Variants in DLG2 observed in about 807,000 individuals in gnomAD.
DLG2 encodes the protein discs large MAGUK scaffold protein 2, also known as disks large homolog 2.
In DLG2, 45 loss-of-function variants were observed where a neutral mutation model predicts 132.5. That is an observed-to-expected ratio of 0.34 (90% CI 0.27 to 0.44). DLG2 has a LOEUF of 0.44. Ranked by LOEUF, DLG2 falls within the 20% of genes least tolerant of loss-of-function variation. The pLI is 1.00. For synonymous variants in DLG2, 424 were observed against 419.6 expected, an observed-to-expected ratio of 1.01 and a Z score of -0.13; for missense variants, 1,045 against 1,196.9, an observed-to-expected ratio of 0.87 and a Z score of 1.87.
chr11:84,450,605 G>A (rs542465899), intron 7 of DLG2, among the ~76,000 whole-genome samples: 2 of 151,628 alleles, frequency 1.3e-5, no homozygotes, highest in Admixed American at 1.3e-4. Flanking sequence ...AATAATGGGG[G>A]CCTTAATTAG....
chr11:84,545,372 A>G, intron 6 of DLG2: 2 of 522,054 alleles, frequency 3.8e-6, no homozygotes, highest in South Asian at 1.5e-5. Context: ...TAGCCATCCC[A>G]CTGCCACCAT....
chr11:83,804,296 A>G (rs2153948201), intron 17 of DLG2, among the ~76,000 whole-genome samples: 1 of 152,238 alleles, frequency 6.6e-6, no homozygotes, highest in South Asian at 2.1e-4. Flanking sequence ...ATTCACCACT[A>G]TGAATGAGAA....
intron 6 of DLG2, among the ~76,000 whole-genome samples, chr11:84,578,706 C>A (rs527972935): frequency 6.6e-6 from 1 of 152,026 alleles, no homozygotes; most frequent in Non-Finnish European, 1.5e-5. Context: ...GACTTTGGAC[C>A]GTGGACTTTT....
chr11:84,230,468 A>AAATG (rs2097076251), intron 8 of DLG2, among the ~76,000 whole-genome samples: 1 of 152,254 alleles, frequency 6.6e-6, no homozygotes, highest in African/African-American at 2.4e-5. Context: ...AGTATAAAAT[A>AAATG]AATGAATATG....
intron 4 of DLG2, among the ~76,000 whole-genome samples, chr11:85,206,037 T>C (rs2081867305): frequency 1.3e-5 from 2 of 152,106 alleles, no homozygotes; most frequent in Non-Finnish European, 2.9e-5. Context: ...TGGGAGGTGA[T>C]TTGATCATGG....
At chr11:85,606,728 C>T (rs2080578449) in intron 2 of DLG2, among the ~76,000 whole-genome samples, 1 of 152,200 alleles carries the variant, frequency 6.6e-6, no homozygotes, top group Non-Finnish European at 1.5e-5. Flanking sequence ...ATAACACTCA[C>T]TGCGAAGGTC....
At chr11:83,859,663 T>C (rs1028116659) in intron 16 of DLG2, among the ~76,000 whole-genome samples, 1 of 152,218 alleles carries the variant, frequency 6.6e-6, no homozygotes, top group African/African-American at 2.4e-5. Context: ...TCTCATTTTC[T>C]GAGGAGAAAT....
intron 2 of DLG2, among the ~76,000 whole-genome samples, chr11:85,601,963 T>A (rs568567853): frequency 7.2e-5 from 11 of 152,304 alleles, no homozygotes; most frequent in Admixed American, 2.0e-4. Flanking sequence ...CCCTCAAGAC[T>A]TCCGAATGTA....
rs866580232 is a variant in DLG2, at chr11:84,916,205, C to T, written c.357+195456G>A. ...CTAAAAATACAAAAAAAAAATTAGCCGGGCGTAGTGGCGGGCGCCTGTAGT... is the reference window on the plus strand; with the variant it reads ...CTAAAAATACAAAAAAAAAATTAGCTGGGCGTAGTGGCGGGCGCCTGTAGT... On this transcript the variant is annotated intron_variant, in intron 6 of 27. Transcript: ENST00000376104. 3.3e-5 allele frequency among the ~76,000 whole-genome samples: 5 copies of T among 150,894 alleles called. No homozygotes were observed. In the South Asian group the frequency reaches 8.4e-4, roughly 25 times the overall value.
intron 14 of DLG2, among the ~76,000 whole-genome samples, chr11:83,955,060 C>A (rs186382562): frequency 6.6e-6 from 1 of 152,284 alleles, no homozygotes; most frequent in Admixed American, 6.5e-5. Context: ...ATTTGTATCA[C>A]GGTTCATCTT....
chr11:84,322,378 A>T (rs971266612), intron 7 of DLG2, among the ~76,000 whole-genome samples: 6 of 152,130 alleles, frequency 3.9e-5, no homozygotes, highest in Admixed American at 3.9e-4. Context: ...TGTTTATTTT[A>T]GCAAGATATT....
At chr11:85,126,993 A>C (rs1162624934) in intron 5 of DLG2, among the ~76,000 whole-genome samples, 1 of 152,132 alleles carries the variant, frequency 6.6e-6, no homozygotes, top group Admixed American at 6.5e-5. Context: ...AATAGGAGAG[A>C]GCTCAAATCA....
intron 4 of DLG2, among the ~76,000 whole-genome samples, chr11:85,180,224 A>G (rs2079598376): frequency 6.6e-6 from 1 of 151,976 alleles, no homozygotes; most frequent in African/African-American, 2.4e-5. Context: ...ACATATACAT[A>G]CTGAGAAATC....
intron 5 of DLG2, among the ~76,000 whole-genome samples, chr11:85,122,949 T>TTATATATATATATATTATA (rs2074525378): frequency 6.2e-5 from 3 of 48,166 alleles, no homozygotes; most frequent in African/African-American, 1.0e-4. Flanking sequence ...TGTATATATA[T>TTATATATATATATATTATA]TATATATATA....
chr11:85,343,955 A>G (rs1049390955), intron 3 of DLG2, among the ~76,000 whole-genome samples: 1 of 152,218 alleles, frequency 6.6e-6, no homozygotes, highest in African/African-American at 2.4e-5. Flanking sequence ...AAGCCACTCA[A>G]TCACAGATTT....
At chr11:84,342,202 C>T (rs1394778342) in intron 7 of DLG2, among the ~76,000 whole-genome samples, 1 of 152,168 alleles carries the variant, frequency 6.6e-6, no homozygotes, top group Admixed American at 6.5e-5. Flanking sequence ...CCCTGAAGAG[C>T]TCTGAGTATC....
chr11:85,266,695 T>A (rs1266975662), intron 4 of DLG2, among the ~76,000 whole-genome samples: 3 of 152,206 alleles, frequency 2.0e-5, no homozygotes, highest in African/African-American at 7.2e-5. Context: ...TCTTTAAGTG[T>A]GGCATAAAGT....
Position 84,355,089 on chromosome 11 carries a change from C to T in DLG2, c.520-103798G>A, listed in dbSNP as rs1600486670. Among the ~76,000 whole-genome samples, 4 of 152,096 alleles carry T rather than the reference C, an allele frequency of 2.6e-5. No homozygotes were observed. In the South Asian group the frequency reaches 8.3e-4, roughly 32 times the overall value. On this transcript the variant is annotated intron_variant, in intron 7 of 27. Coordinates refer to ENST00000376104, the MANE Select transcript of DLG2 (RefSeq NM_001142699.3). ...TTCACAGTGTATAGTTCTCCTACCC[C>T]AGAAAATAGGATCATATAAGATGAT... is the stretch of plus-strand genomic sequence containing the variant.
chr11:84,160,737 T>C (rs188788760), intron 9 of DLG2, among the ~76,000 whole-genome samples: 30 of 152,248 alleles, frequency 2.0e-4, no homozygotes, highest in Admixed American at 3.9e-4. Flanking sequence ...AATCATTCAA[T>C]GGATAACTGG....
Sources: allele counts gnomAD v4.1 joint callset (sites outside exome capture counted in the v4.1 genomes callset), GRCh38; gene constraint gnomAD v4.1.1; transcripts MANE v1.5; gene names NCBI Gene and HGNC (gene_info 2026-07-23, HGNC 2026-07-21).